FRMD4A: variants seen among roughly 807,000 people sequenced by gnomAD.
FRMD4A encodes the protein FERM domain containing 4A, also known as FERM domain-containing protein 4A.
A neutral mutation model predicts 129.1 loss-of-function variants in FRMD4A; 29 were observed. That is an observed-to-expected ratio of 0.22 (90% CI 0.17 to 0.31). The LOEUF (loss-of-function observed/expected upper bound fraction) is 0.31, where lower values mean the gene tolerates loss of function less well. Among genes scored for constraint, FRMD4A ranks in the 10% least tolerant of loss-of-function variants. FRMD4A has a pLI of 1.00. For missense variants in FRMD4A, 1,272 were observed against 1,375.8 expected (o/e 0.92, Z 1.19); for synonymous variants, 634 against 571.6 (o/e 1.11, Z -1.56).
At chr10:14,048,673 T>G (rs1219298246) in intron 2 of FRMD4A, among the ~76,000 whole-genome samples, 2 of 151,922 alleles carry the variant, frequency 1.3e-5, no homozygotes, top group Non-Finnish European at 2.9e-5. Context: ...AGGCGTGGTG[T>G]CAGGCACCTG....
intron 2 of FRMD4A, among the ~76,000 whole-genome samples, chr10:14,129,426 A>G (rs1303267950): frequency 7.1e-5 from 10 of 141,516 alleles, no homozygotes; most frequent in Non-Finnish European, 1.4e-4. Context: ...TGAGCTGTAG[A>G]ACATACTTAG....
intron 2 of FRMD4A, among the ~76,000 whole-genome samples, chr10:13,881,353 T>G (rs1353755527): frequency 6.6e-6 from 1 of 150,586 alleles, no homozygotes; most frequent in East Asian, 2.0e-4. Flanking sequence ...AGCCCAGGAG[T>G]TCAAGGCTAC....
At chr10:13,902,884 G>A (rs1175285309) in intron 2 of FRMD4A, among the ~76,000 whole-genome samples, 1 of 151,386 alleles carries the variant, frequency 6.6e-6, no homozygotes, top group African/African-American at 2.4e-5. Context: ...ATTCTTGAGT[G>A]TTACCCCCAC....
intron 2 of FRMD4A, among the ~76,000 whole-genome samples, chr10:14,021,049 C>T (rs1832722900): frequency 6.6e-6 from 1 of 152,092 alleles, no homozygotes; most frequent in East Asian, 1.9e-4. Context: ...AGCCGGGTAG[C>T]ATTAGCTGCA....
intron 15 of FRMD4A, among the ~76,000 whole-genome samples, chr10:13,678,643 A>T (rs1220353334): frequency 6.6e-6 from 1 of 152,248 alleles, no homozygotes; most frequent in African/African-American, 2.4e-5. Context: ...TAGAAAGAGA[A>T]ATCATTGCAA....
At chr10:13,993,189 C>T (rs940601868) in intron 2 of FRMD4A, among the ~76,000 whole-genome samples, 12 of 152,132 alleles carry the variant, frequency 7.9e-5, no homozygotes, top group African/African-American at 2.7e-4. Flanking sequence ...GTGTGAGCTG[C>T]TGTTTAGAAG....
rs1554964065 is a variant in FRMD4A, at chr10:13,902,855, A to AAC, written c.46-43944_46-43943insGT. 5.6e-3 allele frequency among the ~76,000 whole-genome samples: 823 copies of AAC among 146,036 alleles called. 10 individuals are homozygous for AAC. The highest frequency in any genetic ancestry group is 0.015 in the African/African-American group (598 of 38,756). ...ATGCAGTCTCAAAAAAAAAAAAAAA[A>AAC]AACAACAACAAACAACAGATTCTTG... On this transcript the variant is annotated intron_variant, in intron 2 of 24. Transcript: ENST00000357447.
intron 3 of FRMD4A, among the ~76,000 whole-genome samples, chr10:13,829,323 G>A (rs936350573): frequency 2.0e-5 from 3 of 152,106 alleles, no homozygotes; most frequent in East Asian, 1.9e-4. Context: ...CCAGGAATTC[G>A]AGACCAGCCT....
At chr10:13,748,515 C>T (rs768438079) in intron 8 of FRMD4A, among the ~76,000 whole-genome samples, 3 of 152,032 alleles carry the variant, frequency 2.0e-5, no homozygotes, top group African/African-American at 7.2e-5. Context: ...TTCCTTTGAG[C>T]GTCATGTCAA....
intron 2 of FRMD4A, among the ~76,000 whole-genome samples, chr10:14,185,640 G>A (rs561577268): frequency 1.8e-4 from 28 of 152,338 alleles, no homozygotes; most frequent in East Asian, 9.6e-4. Context: ...TGGTCAGAGA[G>A]CTGCAGGGGC....
At chr10:14,120,396 C>T (rs930531237) in intron 2 of FRMD4A, among the ~76,000 whole-genome samples, 3 of 152,158 alleles carry the variant, frequency 2.0e-5, no homozygotes, top group Non-Finnish European at 2.9e-5. Context: ...TCCCAGAGCA[C>T]TTATGCAGGT....
intron 11 of FRMD4A, among the ~76,000 whole-genome samples, chr10:13,739,691 G>A (rs1207602612): frequency 6.6e-6 from 1 of 152,198 alleles, no homozygotes; most frequent in Non-Finnish European, 1.5e-5. Flanking sequence ...TGGACCACAG[G>A]TTGAAGCAAG....
chr10:13,922,895 T>C (rs557078437), intron 2 of FRMD4A, among the ~76,000 whole-genome samples: 14 of 152,296 alleles, frequency 9.2e-5, no homozygotes, highest in African/African-American at 3.1e-4. Context: ...CTGCAATAAA[T>C]AGACTGTATT....
chr10:13,671,220 G>A (rs1306825397), intron 16 of FRMD4A, among the ~76,000 whole-genome samples: 2 of 152,168 alleles, frequency 1.3e-5, no homozygotes, highest in Non-Finnish European at 1.5e-5. Context: ...TTGGGAAGCC[G>A]AGGCAGGCGG....
chr10:14,254,594 G>A (rs1271128897), intron 2 of FRMD4A, among the ~76,000 whole-genome samples: 1 of 151,866 alleles, frequency 6.6e-6, no homozygotes, highest in Admixed American at 6.6e-5. Flanking sequence ...TACAATGTGG[G>A]GTTCTTGCCA....
chr10:14,051,676 C>G (rs970108840), intron 2 of FRMD4A, among the ~76,000 whole-genome samples: 1 of 152,128 alleles, frequency 6.6e-6, no homozygotes, highest in Admixed American at 6.5e-5. Flanking sequence ...GCAGGGTTGG[C>G]CCTGGGAGAG....
rs947007109 is a variant in FRMD4A at position 13,685,000 on chromosome 10, G to T, written c.1117+8898C>A. On this transcript the variant is annotated intron_variant, in intron 15 of 24. Transcript: ENST00000357447. ...TTAGAATTCTTCTTTATGATAAAAA[G>T]ATATTTATTTCCTTGACAAATCCTC... 11 of 983,188 alleles carry T rather than the reference G, an allele frequency of 1.1e-5. No individual in the cohort carries two copies. The African/African-American group carries it at 1.4e-4, about 13-fold the overall frequency. 60.9% of individuals were successfully genotyped at this position (983,188 alleles called of 1,614,324 possible).
At chr10:14,123,887 C>G (rs756482373) in intron 2 of FRMD4A, among the ~76,000 whole-genome samples, 1 of 152,172 alleles carries the variant, frequency 6.6e-6, no homozygotes, top group Non-Finnish European at 1.5e-5. Context: ...ATTTAGGTAA[C>G]GTCTTGCACC....
At chr10:14,059,083 C>T (rs1257285912) in intron 2 of FRMD4A, among the ~76,000 whole-genome samples, 1 of 152,138 alleles carries the variant, frequency 6.6e-6, no homozygotes, top group African/African-American at 2.4e-5. Context: ...AGTGAAAAGA[C>T]AAAGAGCTTA....
Sources: gnomAD v4.1 joint callset for allele counts (sites outside exome capture counted in the v4.1 genomes callset) on GRCh38, gnomAD v4.1.1 for gene constraint, MANE v1.5 for transcripts, NCBI Gene and HGNC (gene_info 2026-07-23, HGNC 2026-07-21) for gene names.